Variants in PSME4 observed in about 807,000 individuals in gnomAD.
PSME4 encodes the protein proteasome activator complex subunit 4.
A neutral mutation model predicts 253.9 loss-of-function variants in PSME4; 89 were observed. The ratio of observed to expected loss-of-function variants is 0.35; its 90% CI spans 0.30 to 0.42. The LOEUF (loss-of-function observed/expected upper bound fraction) is 0.42, where lower values mean the gene tolerates loss of function less well. Among genes scored for constraint, PSME4 ranks in the 10% least tolerant of loss-of-function variants. The pLI is 1.00. For missense variants in PSME4, 2,014 were observed against 2,195.2 expected, an observed-to-expected ratio of 0.92 and a Z score of 1.65; for synonymous variants, 851 against 759.2, an observed-to-expected ratio of 1.12 and a Z score of -1.99.
At chr2:53,946,186 C>T (rs553304602) in intron 3 of PSME4, among the ~76,000 whole-genome samples, 1 of 152,280 alleles carries the variant, frequency 6.6e-6, no homozygotes, top group Admixed American at 6.5e-5. Flanking sequence ...GCAGCATGTG[C>T]CTTTGCAAAG....
At chr2:53,929,864 A>C (rs540167620) in intron 10 of PSME4, among the ~76,000 whole-genome samples, 37 of 152,014 alleles carry the variant, frequency 2.4e-4, no homozygotes, top group African/African-American at 8.7e-4. Flanking sequence ...CTAAAAATAC[A>C]AAAATTGGCT....
chr2:53,907,394 A>T (rs1030466252), intron 24 of PSME4, among the ~76,000 whole-genome samples: 1 of 152,126 alleles, frequency 6.6e-6, no homozygotes, highest in Non-Finnish European at 1.5e-5. Flanking sequence ...ACAGTTCCTT[A>T]GTCATTAAGC....
chr2:53,898,269 CTG>C, intron 30 of PSME4, 30 bp downstream of exon 30: 1 of 1,574,348 alleles, frequency 6.4e-7, no homozygotes, highest in East Asian at 2.2e-5. Context: ...ATGAAAAATG[CTG>C]TGAGAATTAC....
intron 37 of PSME4, 54 bp from the exon 38 acceptor site, chr2:53,888,866 C>T (rs805401): frequency 0.31 from 407,705 of 1,315,278 alleles, 64,771 homozygotes; most frequent in South Asian, 0.45. Context: ...ATTCTGTAAA[C>T]AAATCATACT....
intron 42 of PSME4, among the ~76,000 whole-genome samples, chr2:53,875,319 G>A (rs1679069732): frequency 6.6e-6 from 1 of 152,106 alleles, no homozygotes; most frequent in Non-Finnish European, 1.5e-5. Context: ...AAAACAAAGG[G>A]GAACTGGTGG....
chr2:53,945,065 C>T (rs1669639610), intron 3 of PSME4, among the ~76,000 whole-genome samples: 1 of 152,114 alleles, frequency 6.6e-6, no homozygotes, highest in Admixed American at 6.5e-5. Flanking sequence ...TTTACTACCA[C>T]CCACAAAAAC....
At chr2:53,880,809 G>C (rs932821337) in intron 41 of PSME4, among the ~76,000 whole-genome samples, 3 of 152,086 alleles carry the variant, frequency 2.0e-5, no homozygotes, top group African/African-American at 7.2e-5. Flanking sequence ...AAATCTCTAG[G>C]CATTACACGT....
chr2:53,923,505 T>C (rs1033939534), intron 14 of PSME4, 86 bp from the exon 15 acceptor site: 3 of 1,419,068 alleles, frequency 2.1e-6, no homozygotes, highest in Non-Finnish European at 2.8e-6. Flanking sequence ...TAAATATATT[T>C]AGACAATTCC....
chr2:53,878,582 ATCCCTGAGAAAGAGAATGTG>A (rs1467595420), intron 41 of PSME4, among the ~76,000 whole-genome samples: 5 of 143,682 alleles, frequency 3.5e-5, no homozygotes, highest in Non-Finnish European at 6.2e-5. Context: ...AGCAAGTAAC[ATCCCTGAGAAAGAGAATGTG>A]TCCCTAAGGG....
intron 1 of PSME4, among the ~76,000 whole-genome samples, chr2:53,964,219 G>A (rs1360032887): frequency 6.6e-6 from 1 of 152,122 alleles, no homozygotes. Context: ...AAGTATATGT[G>A]TGACATCATC....
intron 17 of PSME4, 45 bp downstream of exon 17, chr2:53,922,472 C>A (rs373096529): frequency 5.1e-6 from 8 of 1,582,944 alleles, no homozygotes; most frequent in East Asian, 2.2e-5. Context: ...AAAAGCAAGT[C>A]AGTGTTTTCA....
chr2:53,874,453 C>A lies in PSME4; in HGVS notation c.4986G>T (p.Leu1662=). The change falls in exon 43 of 47, where the codon CTG becomes CTT. Residue 1662 remains leucine (L), a synonymous_variant. Transcript: ENST00000404125. ...SSSWHARYTV[L]TYLQTMVFYN... ...AAAATACCATGGTCTGGAGGTAGGT[C>A]AGTACTGTGTATCGTGCATGCCAAG... The A allele has an allele frequency of 6.2e-7, 1 of 1,614,036 alleles. No individual in the cohort carries two copies. The highest frequency in any genetic ancestry group is 1.1e-5 in the South Asian group (1 of 91,062).
At chr2:53,933,232 G>C (rs1014947406) in intron 8 of PSME4, 1 of 156,914 alleles carries the variant, frequency 6.4e-6, no homozygotes, top group Non-Finnish European at 1.4e-5. Flanking sequence ...ACAAAAATTA[G>C]CTGGGCATGG....
chr2:53,891,026 A>G (rs1276930893), intron 36 of PSME4, among the ~76,000 whole-genome samples: 2 of 132,626 alleles, frequency 1.5e-5, no homozygotes, highest in Non-Finnish European at 3.4e-5. Context: ...GACTCCGTCT[A>G]AAAAAACAAA....
At chr2:53,939,246 T>C (rs1462136620) in intron 4 of PSME4, among the ~76,000 whole-genome samples, 1 of 152,192 alleles carries the variant, frequency 6.6e-6, no homozygotes, top group African/African-American at 2.4e-5. Context: ...ATTACAAGCA[T>C]ATAATACATG....
intron 36 of PSME4, among the ~76,000 whole-genome samples, chr2:53,890,668 G>A (rs778750530): frequency 6.6e-6 from 1 of 152,064 alleles, no homozygotes; most frequent in Non-Finnish European, 1.5e-5. Flanking sequence ...TACATATCCA[G>A]GTATAGGTGA....
chr2:53,956,289 G>A (rs1167243047), intron 1 of PSME4, among the ~76,000 whole-genome samples: 1 of 151,950 alleles, frequency 6.6e-6, no homozygotes, highest in African/African-American at 2.4e-5. Context: ...AGCACTTTAG[G>A]AGGCCAAAGC....
In PSME4 at chr2:53,970,815, C is replaced by T. The variant is rs1671046920; in HGVS notation, c.-31G>A. 1 of 1,450,310 alleles carries T rather than the reference C, an allele frequency of 6.9e-7. No individual in the cohort carries two copies. The highest frequency in any genetic ancestry group is 1.3e-5 in the South Asian group (1 of 75,648). 89.8% of individuals were successfully genotyped at this position (1,450,310 alleles called of 1,614,324 possible). On this transcript the variant is annotated 5_prime_UTR_variant, in exon 1 of 47. Coordinates refer to ENST00000404125, the MANE Select transcript of PSME4 (RefSeq NM_014614.3). ...CAGGGACACCCCCCCCACCCCCTCC[C>T]ACCCGAACCCTCCCCGGCCCCCACC...
rs1311346459 is a variant in PSME4 at position 53,864,423 on chromosome 2, T to C, written c.*1155A>G. 1 of 142,240 alleles carries C rather than the reference T, an allele frequency of 7.0e-6. No homozygotes were observed. Among genetic ancestry groups the C allele is most frequent in the Non-Finnish European group, 1.5e-5 (1 of 64,724 alleles). 8.8% of individuals were successfully genotyped at this position (142,240 alleles called of 1,614,324 possible). On this transcript the variant is annotated 3_prime_UTR_variant, in exon 47 of 47. Transcript: ENST00000404125. ...CATAAAAGTTCAGACATTCTAATGA[T>C]AAGTGAACTGAAAAAAAAAAAACCC... is the stretch of plus-strand genomic sequence containing the variant.
Sources: allele counts gnomAD v4.1 joint callset (sites outside exome capture counted in the v4.1 genomes callset), GRCh38; gene constraint gnomAD v4.1.1; transcripts MANE v1.5; gene names NCBI Gene and HGNC (gene_info 2026-07-23, HGNC 2026-07-21).